The following CPED1 variants were observed in gnomAD, a reference collection of about 807,000 sequenced individuals.
CPED1 encodes cadherin like and PC-esterase domain containing 1.
A neutral mutation model predicts 128.2 loss-of-function variants in CPED1; 114 were observed. The ratio of observed to expected loss-of-function variants is 0.89; its 90% CI spans 0.76 to 1.04. CPED1 has a LOEUF of 1.04. Ranked by LOEUF, CPED1 falls within the 50% of genes least tolerant of loss-of-function variation. CPED1 has a pLI of 0.00. For missense variants in CPED1, 1,211 were observed against 1,207.1 expected (o/e 1.00, Z -0.05); for synonymous variants, 462 against 426.7 (o/e 1.08, Z -1.02).
At chr7:121,007,007 C>A (rs1024718370) in intron 2 of CPED1, among the ~76,000 whole-genome samples, 3 of 152,144 alleles carry the variant, frequency 2.0e-5, no homozygotes, top group African/African-American at 7.2e-5. Flanking sequence ...ACACCAGGCA[C>A]AGGAAGGCTA....
At chr7:121,195,871 T>C (rs1372965762) in intron 16 of CPED1, among the ~76,000 whole-genome samples, 3 of 152,126 alleles carry the variant, frequency 2.0e-5, no homozygotes, top group African/African-American at 7.2e-5. Context: ...GAGTGTGCTG[T>C]AAATTGGCCT....
rs371503943 is a variant in CPED1, at chr7:121,239,032, A to C, written c.2173+2201A>C. ...AAAAGGCCCAAAGACTCAAAAACTT[A>C]ACAAGTGAGGTCAGGATAGCAGTCT... is the stretch of plus-strand genomic sequence containing the variant. On this transcript the variant is annotated intron_variant, in intron 17 of 22. Transcript: ENST00000310396. Among the ~76,000 whole-genome samples the C allele has an allele frequency of 2.0e-4, 30 of 152,294 alleles. 1 individual carries two copies. In the South Asian group the frequency reaches 6.0e-3, roughly 30 times the overall value.
At chr7:121,037,726 C>A (rs1274382818) in intron 3 of CPED1, among the ~76,000 whole-genome samples, 1 of 152,034 alleles carries the variant, frequency 6.6e-6, no homozygotes, top group East Asian at 1.9e-4. Context: ...TTGCCTTTGG[C>A]AGTTTGGTCA....
In CPED1 at chr7:120,989,788, C is replaced by T. The variant is rs1456372375; in HGVS notation, c.167C>T (p.Thr56Ile). 2 of 1,613,968 alleles carry T rather than the reference C, an allele frequency of 1.2e-6. No homozygotes were observed. The highest frequency in any genetic ancestry group is 2.2e-5 in the East Asian group (1 of 44,846). Residue 56 changes from threonine to isoleucine, a missense_variant, in exon 2 of 23, where the codon ACC (threonine) becomes ATC (isoleucine). Thr to Ile is a moderately conservative substitution (Grantham distance 89). Coordinates refer to ENST00000310396, the MANE Select transcript of CPED1 (RefSeq NM_024913.5). ...GCTGTCCCACACACATCCACTGAAA[C>T]CCAGGCAAGCAGATGCAAGAAAGGA... ...PGAVPHTSTE[T>I]QASRCKKGFS... is the part of the protein sequence containing the mutation.
At chr7:121,006,677 T>C (rs1446249401) in intron 2 of CPED1, among the ~76,000 whole-genome samples, 1 of 152,182 alleles carries the variant, frequency 6.6e-6, no homozygotes, top group African/African-American at 2.4e-5. Context: ...TATTTTCAAG[T>C]TCTGTCTTAT....
chr7:121,031,074 T>A (rs930113349), intron 3 of CPED1, among the ~76,000 whole-genome samples: 1 of 152,206 alleles, frequency 6.6e-6, no homozygotes, highest in Admixed American at 6.5e-5. Context: ...TCATACAGAT[T>A]TCCTGCAAGT....
intron 16 of CPED1, among the ~76,000 whole-genome samples, chr7:121,161,480 T>C (rs1481562211): frequency 2.0e-5 from 3 of 152,200 alleles, no homozygotes; most frequent in Non-Finnish European, 4.4e-5. Context: ...TTCCTATCTC[T>C]GACCTCTAGA....
intron 16 of CPED1, among the ~76,000 whole-genome samples, chr7:121,233,672 C>A (rs1260948328): frequency 6.6e-6 from 1 of 151,984 alleles, no homozygotes; most frequent in Non-Finnish European, 1.5e-5. Flanking sequence ...GAGAATTTTC[C>A]TTTTTTTAAA....
chr7:121,094,247 A>G (rs1347381644), intron 5 of CPED1, among the ~76,000 whole-genome samples: 2 of 152,230 alleles, frequency 1.3e-5, no homozygotes, highest in Non-Finnish European at 2.9e-5. Flanking sequence ...TTCTAATATC[A>G]AAATGCAAGA....
At chr7:121,290,840 C>A (rs963145757) in intron 22 of CPED1, among the ~76,000 whole-genome samples, 3 of 152,166 alleles carry the variant, frequency 2.0e-5, no homozygotes, top group Non-Finnish European at 4.4e-5. Flanking sequence ...GCTTTTGGTG[C>A]CATTGCTTTT....
At chr7:121,179,061 G>A (rs1021480926) in intron 16 of CPED1, among the ~76,000 whole-genome samples, 3 of 152,048 alleles carry the variant, frequency 2.0e-5, no homozygotes, top group African/African-American at 7.2e-5. Flanking sequence ...AAGCTGTACC[G>A]TGTTTTGGAA....
chr7:121,279,916 G>A (rs1279290702), intron 22 of CPED1, among the ~76,000 whole-genome samples: 2 of 152,124 alleles, frequency 1.3e-5, no homozygotes, highest in African/African-American at 2.4e-5. Context: ...TCAGGCAGAG[G>A]GTCCCTCAGA....
At chr7:121,196,984 C>T (rs1797287515) in intron 16 of CPED1, among the ~76,000 whole-genome samples, 1 of 151,966 alleles carries the variant, frequency 6.6e-6, no homozygotes, top group Non-Finnish European at 1.5e-5. Context: ...TTAAGGATAT[C>T]AAATATAAAT....
chr7:120,997,617 C>A (rs549309839), intron 2 of CPED1, among the ~76,000 whole-genome samples: 1 of 152,074 alleles, frequency 6.6e-6, no homozygotes, highest in East Asian at 1.9e-4. Context: ...TCCAATATGA[C>A]TGGTGTTATA....
intron 16 of CPED1, among the ~76,000 whole-genome samples, chr7:121,184,411 CTTTAA>C (rs1219963713): frequency 1.3e-5 from 2 of 152,102 alleles, no homozygotes; most frequent in Non-Finnish European, 2.9e-5. Context: ...CATATTGCTA[CTTTAA>C]TTTAACCCTA....
intron 7 of CPED1, among the ~76,000 whole-genome samples, chr7:121,121,437 A>T (rs1293964535): frequency 1.3e-5 from 2 of 152,200 alleles, no homozygotes; most frequent in Admixed American, 6.5e-5. Flanking sequence ...TGATCTTATG[A>T]GGTCATTTTC....
intron 16 of CPED1, among the ~76,000 whole-genome samples, chr7:121,159,342 T>TG (rs1159557948): frequency 1.3e-5 from 2 of 152,058 alleles, no homozygotes; most frequent in Non-Finnish European, 2.9e-5. Context: ...AATCTGTGAG[T>TG]GGGGAGTGAT....
chr7:121,199,355 G>T (rs1797336866), intron 16 of CPED1, among the ~76,000 whole-genome samples: 1 of 151,774 alleles, frequency 6.6e-6, no homozygotes, highest in Admixed American at 6.6e-5. Context: ...ATTTTCATGA[G>T]GTATATGGTC....
intron 18 of CPED1, among the ~76,000 whole-genome samples, chr7:121,252,921 A>G (rs1419572864): frequency 2.6e-5 from 4 of 152,198 alleles, no homozygotes; most frequent in Admixed American, 6.5e-5. Context: ...TCAGGGATCT[A>G]CAACTAGAAA....
Sources: gnomAD v4.1 joint callset for allele counts (sites outside exome capture counted in the v4.1 genomes callset) on GRCh38, gnomAD v4.1.1 for gene constraint, MANE v1.5 for transcripts, NCBI Gene and HGNC (gene_info 2026-07-23, HGNC 2026-07-21) for gene names.